The following NTAN1 variants were observed in gnomAD, a reference collection of about 807,000 sequenced individuals.
NTAN1 encodes protein N-terminal asparagine amidohydrolase.
In NTAN1, 32 loss-of-function variants were observed where a neutral mutation model predicts 41.9. The ratio of observed to expected loss-of-function variants is 0.76; its 90% CI spans 0.58 to 1.03. The LOEUF (loss-of-function observed/expected upper bound fraction) is 1.03. NTAN1 is among the 50% of genes least tolerant of loss of function. The pLI is 0.00. For synonymous variants in NTAN1, 140 were observed against 139.5 expected, an observed-to-expected ratio of 1.00 and a Z score of -0.03; for missense variants, 377 against 377.5, an observed-to-expected ratio of 1.00 and a Z score of 0.01.
At chr16:15,050,995 C>T (rs1437351111) in intron 1 of NTAN1, among the ~76,000 whole-genome samples, 1 of 152,194 alleles carries the variant, frequency 6.6e-6, no homozygotes, top group Non-Finnish European at 1.5e-5. Context: ...ACTCAGAACA[C>T]CTGTACAGGT....
rs776866976 is a variant in NTAN1 at position 15,047,558 on chromosome 16, AC to A, written c.251-9del. 2.5e-6 allele frequency: 4 copies of A among 1,600,034 alleles called. No individual in the cohort carries two copies. The highest frequency in any genetic ancestry group is 3.4e-6 in the Non-Finnish European group (4 of 1,167,294). ...AGCAGGTGGCCCCATTACCTGAAGA[AC>A]AAGGGTGAAAGGACTCAAGTTATTC... On this transcript the variant is annotated splice_polypyrimidine_tract_variant and intron_variant, in intron 3 of 9. Coordinates refer to ENST00000287706, the MANE Select transcript of NTAN1 (RefSeq NM_173474.4).
At chr16:15,038,354 A>AAAAGTTG (rs61043180) in intron 9 of NTAN1, 144 bp from the exon 10 acceptor site, 193,594 of 642,936 alleles carry the variant, frequency 0.3, 31,520 homozygotes, top group Admixed American at 0.45. Flanking sequence ...TTAGTAAGAA[A>AAAAGTTG]AAAGTTGATT....
At chr16:15,041,292 G>T (rs545418801) in intron 6 of NTAN1, among the ~76,000 whole-genome samples, 171 bp from the exon 7 acceptor site, 1 of 152,240 alleles carries the variant, frequency 6.6e-6, no homozygotes, top group Non-Finnish European at 1.5e-5. Context: ...AGGCAGGGGG[G>T]TTTATACTGA....
In NTAN1 at chr16:15,037,906, G is replaced by T; in HGVS notation, c.*125C>A. ...GAAAGTCATTTGATGAAAGTCATTT[G>T]AAAGACACTGAGGAGGGAAGGAGGC... On this transcript the variant is annotated 3_prime_UTR_variant, in exon 10 of 10. Coordinates refer to ENST00000287706, the MANE Select transcript of NTAN1 (RefSeq NM_173474.4). 1 of 599,830 alleles carries T rather than the reference G, an allele frequency of 1.7e-6. No homozygotes were observed. The highest frequency in any genetic ancestry group is 2.9e-6 in the Non-Finnish European group (1 of 339,396). 37.2% of individuals were successfully genotyped at this position (599,830 alleles called of 1,614,324 possible). A position where few individuals can be genotyped will look rare whatever the true frequency, so the allele number is the denominator to read the frequency against.
At position 15,056,065 on chromosome 16, in the gene NTAN1, GTC is replaced by G; in HGVS notation, c.-96_-95del. 2.5e-6 allele frequency: 1 copy of G among 399,242 alleles called. No individual in the cohort carries two copies. The highest frequency in any genetic ancestry group is 3.5e-6 in the Non-Finnish European group (1 of 284,864). The allele number at this position is 399,242 out of a possible 1,614,324, so 24.7% of individuals were successfully genotyped here. The stretch of plus-strand genomic sequence containing the variant: ...GCCGCCCCCGCCCCTCGGGCCGCGC[GTC>G]CCGCCTCGTCCTGCCCCGCCCCACC... On this transcript the variant is annotated 5_prime_UTR_variant, in exon 1 of 10. Coordinates refer to ENST00000287706, the MANE Select transcript of NTAN1 (RefSeq NM_173474.4).
intron 9 of NTAN1, 26 bp downstream of exon 9, chr16:15,038,548 G>GACTT (rs770806503): frequency 6.3e-6 from 8 of 1,271,730 alleles, no homozygotes; most frequent in African/African-American, 4.4e-5. Context: ...AGAGATTTAA[G>GACTT]ACTTACCCAG....
chr16:15,048,964 G>A (rs559377654), intron 1 of NTAN1, among the ~76,000 whole-genome samples: 131 of 130,230 alleles, frequency 1.0e-3, no homozygotes, highest in African/African-American at 3.7e-3. Context: ...TCCCTATGCT[G>A]CCCAGGCTGG....
chr16:15,039,884 T>G, intron 8 of NTAN1, 85 bp downstream of exon 8: 1 of 766,484 alleles, frequency 1.3e-6, no homozygotes, highest in South Asian at 1.6e-5. Flanking sequence ...CAGCATAAAC[T>G]TTTCTAAGAT....
At chr16:15,047,179 C>G in intron 4 of NTAN1, 1 of 501,802 alleles carries the variant, frequency 2.0e-6, no homozygotes, top group Non-Finnish European at 3.6e-6. Flanking sequence ...ATCGCAACCT[C>G]GACGTTCCTG....
chr16:15,043,716 G>A (rs540155245), intron 5 of NTAN1, among the ~76,000 whole-genome samples: 20 of 152,168 alleles, frequency 1.3e-4, no homozygotes, highest in Admixed American at 3.9e-4. Context: ...TTAAGAGGCC[G>A]AGGCAGGTGC....
At chr16:15,049,564 G>T (rs546834680) in intron 1 of NTAN1, among the ~76,000 whole-genome samples, 3 of 152,216 alleles carry the variant, frequency 2.0e-5, no homozygotes, top group East Asian at 3.9e-4. Flanking sequence ...CAGTAGCTGG[G>T]ATTACAGGTG....
Position 15,041,058 on chromosome 16 carries a change from C to T in NTAN1, c.541+10G>A, listed in dbSNP as rs376147898. The T allele has an allele frequency of 6.9e-6, 11 of 1,586,064 alleles. No individual in the cohort carries two copies. Among genetic ancestry groups the T allele is most frequent in the Middle Eastern group, 1.7e-4 (1 of 6,008 alleles). Reference sequence around the variant, plus strand: ...AAGACTCCAACCCACAAAAGATGCACACTACTTACCAATGCCATATATTAC... The same window carrying T: ...AAGACTCCAACCCACAAAAGATGCATACTACTTACCAATGCCATATATTAC... On this transcript the variant is annotated intron_variant, in intron 7 of 9. Coordinates refer to ENST00000287706, the MANE Select transcript of NTAN1 (RefSeq NM_173474.4).
At chr16:15,038,358 G>T (rs895063868) in intron 9 of NTAN1, 148 bp from the exon 10 acceptor site, 2 of 657,892 alleles carry the variant, frequency 3.0e-6, no homozygotes, top group African/African-American at 3.7e-5. Flanking sequence ...TAAGAAAAAA[G>T]TTGATTGCTT....
chr16:15,048,033 G>A lies in NTAN1; in HGVS notation c.148C>T (p.Gln50Ter). The A allele has an allele frequency of 2.5e-6, 4 of 1,613,570 alleles. No homozygotes were observed. Among genetic ancestry groups the A allele is most frequent in the Non-Finnish European group, 3.4e-6 (4 of 1,179,472 alleles). ...GAGGTCACTGCAAGCTCTCTTTGCT[G>A]AACATACAGAAGGCCCTGGGGTCCC... ...QVGPQGLLYVQQRELAVTSPK... is the reference protein window; with the variant it reads ...QVGPQGLLYV Residue 50 changes from glutamine to a stop codon, truncating the protein, a stop_gained, in exon 2 of 10, where the codon CAG becomes TAG. Transcript: ENST00000287706. LOFTEE classifies it high-confidence loss of function.
intron 8 of NTAN1, among the ~76,000 whole-genome samples, chr16:15,038,935 T>G (rs1256891446): frequency 6.6e-6 from 1 of 152,162 alleles, no homozygotes; most frequent in African/African-American, 2.4e-5. Flanking sequence ...TTTTTCCCAT[T>G]TGGGGTGAAA....
chr16:15,053,631 C>A (rs2044380315), intron 1 of NTAN1, among the ~76,000 whole-genome samples: 1 of 151,992 alleles, frequency 6.6e-6, no homozygotes, highest in African/African-American at 2.4e-5. Context: ...ATAATCCAGG[C>A]CAGGTGGAGT....
At chr16:15,052,693 G>C (rs191537206) in intron 1 of NTAN1, among the ~76,000 whole-genome samples, 6 of 152,234 alleles carry the variant, frequency 3.9e-5, no homozygotes, top group Admixed American at 2.6e-4. Flanking sequence ...AATTAGCCGG[G>C]CATGGTGGCA....
intron 4 of NTAN1, 89 bp from the exon 5 acceptor site, chr16:15,044,496 T>C (rs1299650039): frequency 3.5e-6 from 3 of 858,456 alleles, no homozygotes; most frequent in Non-Finnish European, 5.9e-6. Flanking sequence ...TCAGTTTCCA[T>C]GAACACTTGC....
chr16:15,042,656 C>T (rs1350097529), intron 5 of NTAN1, among the ~76,000 whole-genome samples: 1 of 152,116 alleles, frequency 6.6e-6, no homozygotes, highest in Non-Finnish European at 1.5e-5. Context: ...TCTCTATGCA[C>T]ATTTCAGATT....
Sources: gnomAD v4.1 joint callset for allele counts (sites outside exome capture counted in the v4.1 genomes callset) on GRCh38, gnomAD v4.1.1 for gene constraint, MANE v1.5 for transcripts, NCBI Gene and HGNC (gene_info 2026-07-23, HGNC 2026-07-21) for gene names.